Variants in LINGO2 observed in about 807,000 individuals in gnomAD.
LINGO2 encodes leucine-rich repeat and immunoglobulin-like domain-containing nogo receptor-interacting protein 2.
Under a neutral mutation model 30.6 loss-of-function variants are expected in LINGO2, and 14 were observed. The observed-to-expected ratio is 0.46, with a 90% confidence interval of 0.30 to 0.72. The LOEUF (loss-of-function observed/expected upper bound fraction) is 0.72, where lower values mean the gene tolerates loss of function less well. Among genes scored for constraint, LINGO2 ranks in the 30% least tolerant of loss-of-function variants. The pLI, the probability that LINGO2 is intolerant of heterozygous loss-of-function variation, is 0.07. For missense variants in LINGO2, 729 were observed against 751.7 expected, an observed-to-expected ratio of 0.97 and a Z score of 0.35; for synonymous variants, 317 against 288.5, an observed-to-expected ratio of 1.10 and a Z score of -1.00.
chr9:28,545,131 A>G (rs911118427), intron 1 of LINGO2, among the ~76,000 whole-genome samples: 6 of 152,070 alleles, frequency 3.9e-5, no homozygotes, highest in African/African-American at 1.4e-4. Context: ...AATCACTTCT[A>G]ACTTACACCC....
chr9:28,787,593 G>C, the LINGO2 span, among the ~76,000 whole-genome samples: 1 of 152,020 alleles, frequency 6.6e-6, no homozygotes, highest in African/African-American at 2.4e-5. Context: ...CCAACTATGA[G>C]AAGGGAAAAA....
At chr9:28,516,231 A>G (rs887115198) in intron 1 of LINGO2, among the ~76,000 whole-genome samples, 3 of 152,124 alleles carry the variant, frequency 2.0e-5, no homozygotes, top group Non-Finnish European at 2.9e-5. Flanking sequence ...AGCCTGTGCT[A>G]TCTCTGAGGT....
chr9:28,533,464 G>A (rs1018448944), intron 1 of LINGO2, among the ~76,000 whole-genome samples: 1 of 152,062 alleles, frequency 6.6e-6, no homozygotes, highest in African/African-American at 2.4e-5. Context: ...TGTTAGTTCT[G>A]TCCCTCTAGA....
At chr9:28,995,446 G>T in the LINGO2 span, among the ~76,000 whole-genome samples, 11 of 152,328 alleles carry the variant, frequency 7.2e-5, no homozygotes, top group South Asian at 2.3e-3. Context: ...TTCAACCATT[G>T]TGGAAGTCAG....
intron 1 of LINGO2, among the ~76,000 whole-genome samples, chr9:28,549,677 A>G (rs1242560931): frequency 6.6e-6 from 1 of 151,894 alleles, no homozygotes; most frequent in East Asian, 1.9e-4. Context: ...ATCTTTTTAA[A>G]TGATAGTCAC....
chr9:28,309,658 T>C (rs928535019), intron 3 of LINGO2, among the ~76,000 whole-genome samples: 1 of 151,412 alleles, frequency 6.6e-6, no homozygotes, highest in Non-Finnish European at 1.5e-5. Context: ...TTTAAAAAAA[T>C]TGATAAATTT....
the LINGO2 span, among the ~76,000 whole-genome samples, chr9:28,876,621 G>A: frequency 8.5e-5 from 13 of 152,086 alleles, no homozygotes; most frequent in African/African-American, 3.1e-4. Flanking sequence ...TGGTGTATAT[G>A]TGCCACATTT....
At chr9:29,158,286 G>A in the LINGO2 span, among the ~76,000 whole-genome samples, 1 of 151,430 alleles carries the variant, frequency 6.6e-6, no homozygotes, top group Admixed American at 6.6e-5. Flanking sequence ...AGCCCAGGAG[G>A]TCAAGGCTAC....
chr9:29,117,031 TGA>T, the LINGO2 span, among the ~76,000 whole-genome samples: 2 of 152,266 alleles, frequency 1.3e-5, no homozygotes, highest in East Asian at 3.9e-4. Flanking sequence ...ATCAAGAAAA[TGA>T]GAGTAGTATC....
At chr9:29,001,071 T>C in the LINGO2 span, among the ~76,000 whole-genome samples, 2 of 144,430 alleles carry the variant, frequency 1.4e-5, no homozygotes, top group African/African-American at 5.0e-5. Flanking sequence ...TCAGTAAAGA[T>C]TTTGATTTTG....
intron 4 of LINGO2, among the ~76,000 whole-genome samples, chr9:28,205,660 A>G (rs1820383955): frequency 6.6e-6 from 1 of 152,214 alleles, no homozygotes; most frequent in Admixed American, 6.5e-5. Context: ...GTATTTATCC[A>G]GATCTGACCA....
At chr9:28,878,197 A>C in the LINGO2 span, among the ~76,000 whole-genome samples, 1 of 152,206 alleles carries the variant, frequency 6.6e-6, no homozygotes, top group African/African-American at 2.4e-5. Flanking sequence ...CCATCAGAGA[A>C]TACTACAAAC....
rs57545947 is a variant in LINGO2 at position 28,502,131 on chromosome 9, GAC to G, written c.-364-26108_-364-26107del. On this transcript the variant is annotated intron_variant, in intron 1 of 5. Transcript: ENST00000379992. ...TCCAGGTCTCAAGATGAGAAACACAGACACACACACACACACACACACACACA... is the reference window on the plus strand; with the variant it reads ...TCCAGGTCTCAAGATGAGAAACACAGACACACACACACACACACACACACA... Among the ~76,000 whole-genome samples, 544 of 147,080 alleles carry G rather than the reference GAC, an allele frequency of 3.7e-3. 2 individuals carry two copies. The highest frequency in any genetic ancestry group is 0.015 in the East Asian group (71 of 4,856).
intron 3 of LINGO2, among the ~76,000 whole-genome samples, chr9:28,360,405 G>T (rs1820395394): frequency 6.6e-6 from 1 of 152,164 alleles, no homozygotes; most frequent in Non-Finnish European, 1.5e-5. Flanking sequence ...TACCTGAAAA[G>T]TACTATTTTC....
intron 4 of LINGO2, among the ~76,000 whole-genome samples, chr9:28,237,117 C>CGGGG (rs35883848): frequency 7.9e-4 from 89 of 112,878 alleles, no homozygotes; most frequent in African/African-American, 2.0e-3. Context: ...TTAAACAGTG[C>CGGGG]GGGGGGGGGG....
chr9:28,547,799 A>G (rs987202548), intron 1 of LINGO2, among the ~76,000 whole-genome samples: 1 of 152,128 alleles, frequency 6.6e-6, no homozygotes, highest in Non-Finnish European at 1.5e-5. Flanking sequence ...GGCTGAACAT[A>G]TACAGAGTGA....
At chr9:28,613,578 C>T (rs953978141) in intron 1 of LINGO2, among the ~76,000 whole-genome samples, 1 of 151,912 alleles carries the variant, frequency 6.6e-6, no homozygotes, top group African/African-American at 2.4e-5. Flanking sequence ...AAATATGTCA[C>T]CTCTGCCGTA....
chr9:29,083,448 G>T, the LINGO2 span, among the ~76,000 whole-genome samples: 28,206 of 151,912 alleles, frequency 0.19, 2,763 homozygotes, highest in East Asian at 0.34. Flanking sequence ...TGAGGGAGGG[G>T]GGATGGATAG....
Position 28,147,071 on chromosome 9 carries a change from T to C in LINGO2, c.-86-134666A>G, listed in dbSNP as rs1827834879. On this transcript the variant is annotated intron_variant, in intron 4 of 5. Transcript: ENST00000379992. This position sits in a 1 kb window ranked among gnomAD's most constrained non-coding sequence, Gnocchi z 4.7. ...TGCTGACAACTGGTAATTCCTGCCC[T>C]ACATCTTTGTAGAGGACTGGAGCCC... is the stretch of plus-strand genomic sequence containing the variant. 6.6e-6 allele frequency among the ~76,000 whole-genome samples: 1 copy of C among 152,222 alleles called. No homozygotes were observed.
Sources: gnomAD v4.1 joint callset for allele counts (sites outside exome capture counted in the v4.1 genomes callset) on GRCh38, gnomAD v4.1.1 for gene constraint, Gnocchi (gnomAD v3.1) non-coding constraint, MANE v1.5 for transcripts, NCBI Gene and HGNC (gene_info 2026-07-23, HGNC 2026-07-21) for gene names.